The following ADGRL3 variants were observed in gnomAD, a reference collection of about 807,000 sequenced individuals.
ADGRL3 encodes the protein calcium-independent alpha-latrotoxin receptor 3.
ADGRL3 carries 62 observed loss-of-function variants against 153.5 expected under a neutral mutation model. That is an observed-to-expected ratio of 0.40 (90% CI 0.33 to 0.50). The LOEUF is 0.50. Ranked by LOEUF, ADGRL3 falls within the 20% of genes least tolerant of loss-of-function variation. The pLI is 0.47. For missense variants in ADGRL3, 1,641 were observed against 1,859.4 expected (o/e 0.88, Z 2.16); for synonymous variants, 710 against 672.5 (o/e 1.06, Z -0.86).
chr4:61,572,854 C>G (rs1392328222), intron 4 of ADGRL3, among the ~76,000 whole-genome samples: 1 of 151,966 alleles, frequency 6.6e-6, no homozygotes, highest in Non-Finnish European at 1.5e-5. Context: ...CTTCAAGGCT[C>G]CATCGTGTGA....
chr4:61,754,791 C>A (rs1443569529), intron 8 of ADGRL3, among the ~76,000 whole-genome samples: 1 of 152,010 alleles, frequency 6.6e-6, no homozygotes, highest in East Asian at 1.9e-4. Flanking sequence ...CAAAATAGGC[C>A]CAGGTGTGTG....
chr4:61,388,752 G>A (rs545015982), intron 2 of ADGRL3, among the ~76,000 whole-genome samples: 8 of 152,226 alleles, frequency 5.3e-5, no homozygotes, highest in South Asian at 4.1e-4. Flanking sequence ...TCATTGCTGC[G>A]TGTGGAACAC....
At chr4:61,454,621 G>C (rs569384819) in intron 2 of ADGRL3, among the ~76,000 whole-genome samples, 2 of 152,164 alleles carry the variant, frequency 1.3e-5, no homozygotes, top group East Asian at 1.9e-4. Context: ...TAGTCTGTAT[G>C]AATTTGGCTA....
chr4:61,950,532 G>A (rs960398100), intron 17 of ADGRL3, among the ~76,000 whole-genome samples: 2 of 152,132 alleles, frequency 1.3e-5, no homozygotes, highest in Non-Finnish European at 2.9e-5. Context: ...AGTATAACAA[G>A]GCTAGTGTTT....
At chr4:62,048,470 C>A (rs1357985026) in intron 25 of ADGRL3, among the ~76,000 whole-genome samples, 4 of 151,912 alleles carry the variant, frequency 2.6e-5, no homozygotes, top group Admixed American at 2.6e-4. Context: ...ATCATGTTGG[C>A]CAGGCTGGTC....
intron 4 of ADGRL3, among the ~76,000 whole-genome samples, chr4:61,562,047 G>A (rs2098797295): frequency 6.6e-6 from 1 of 151,906 alleles, no homozygotes; most frequent in Non-Finnish European, 1.5e-5. Flanking sequence ...CTGGACCACT[G>A]TGGTAAATAT....
intron 21 of ADGRL3, among the ~76,000 whole-genome samples, chr4:62,007,438 A>C: frequency 7.7e-6 from 1 of 130,608 alleles, no homozygotes; most frequent in East Asian, 2.1e-4. Flanking sequence ...ATATATATAT[A>C]TACACACACA....
chr4:61,299,903 A>G (rs2094527878), intron 1 of ADGRL3, among the ~76,000 whole-genome samples: 2 of 152,028 alleles, frequency 1.3e-5, no homozygotes, highest in Admixed American at 6.6e-5. Context: ...TACGCCATCT[A>G]TTATTATTAT....
At chr4:61,231,279 A>G (rs1419512238) in intron 1 of ADGRL3, among the ~76,000 whole-genome samples, 1 of 152,176 alleles carries the variant, frequency 6.6e-6, no homozygotes, top group Non-Finnish European at 1.5e-5. Context: ...TTCTAGACTT[A>G]TGCTCATGTT....
intron 8 of ADGRL3, among the ~76,000 whole-genome samples, chr4:61,749,103 GA>G (rs1331047447): frequency 6.6e-6 from 1 of 152,004 alleles, no homozygotes; most frequent in African/African-American, 2.4e-5. Context: ...AAAAACACAT[GA>G]AAAAATGCTC....
chr4:61,293,968 T>C (rs906690962), intron 1 of ADGRL3, among the ~76,000 whole-genome samples: 9 of 151,698 alleles, frequency 5.9e-5, no homozygotes, highest in African/African-American at 2.2e-4. Context: ...GACTGAAACA[T>C]ACTGTAATTT....
chr4:61,469,698 G>A (rs751943714), intron 2 of ADGRL3, among the ~76,000 whole-genome samples: 2 of 151,958 alleles, frequency 1.3e-5, no homozygotes, highest in Non-Finnish European at 2.9e-5. Flanking sequence ...AGGTCTAAAT[G>A]TTCCCTATTT....
intron 21 of ADGRL3, among the ~76,000 whole-genome samples, chr4:62,017,404 A>T (rs1035133209): frequency 9.2e-5 from 14 of 151,650 alleles, no homozygotes; most frequent in Non-Finnish European, 8.8e-5. Flanking sequence ...GAAAAATACT[A>T]AAGTTCATAA....
intron 13 of ADGRL3, among the ~76,000 whole-genome samples, chr4:61,922,142 C>T (rs530830874): frequency 6.6e-6 from 1 of 152,258 alleles, no homozygotes; most frequent in East Asian, 1.9e-4. Flanking sequence ...ACTGAGTTTG[C>T]TCTTATCAAT....
At chr4:62,036,461 A>G (rs1287378310) in intron 23 of ADGRL3, among the ~76,000 whole-genome samples, 1 of 152,126 alleles carries the variant, frequency 6.6e-6, no homozygotes, top group Non-Finnish European at 1.5e-5. Context: ...TCACATAATA[A>G]GCACTCAATA....
chr4:61,581,619 C>T (rs1354356299), intron 4 of ADGRL3, among the ~76,000 whole-genome samples: 2 of 151,990 alleles, frequency 1.3e-5, no homozygotes, highest in African/African-American at 4.8e-5. Flanking sequence ...TATCTCCCTC[C>T]CTAGGTTATC....
At chr4:61,928,328 C>G (rs2098803254) in intron 13 of ADGRL3, among the ~76,000 whole-genome samples, 1 of 152,072 alleles carries the variant, frequency 6.6e-6, no homozygotes, top group Admixed American at 6.6e-5. Flanking sequence ...TGGATTTCCT[C>G]TTCGGAGTCA....
intron 9 of ADGRL3, among the ~76,000 whole-genome samples, chr4:61,856,942 T>G (rs2098274776): frequency 7.9e-6 from 1 of 125,870 alleles, no homozygotes; most frequent in Non-Finnish European, 1.7e-5. Context: ...TCCTCCCTCT[T>G]TCTTCTTCTC....
chr4:61,726,199 C>CTTTTTTTTTTTTTTTTTTTT (rs1012113549), intron 6 of ADGRL3, among the ~76,000 whole-genome samples: 4 of 82,942 alleles, frequency 4.8e-5, no homozygotes, highest in South Asian at 4.6e-4. Flanking sequence ...CTCACTGGAA[C>CTTTTTTTTTTTTTTTTTTTT]TTTTTTTTTT....
Sources: gnomAD v4.1 joint callset for allele counts (sites outside exome capture counted in the v4.1 genomes callset) on GRCh38, gnomAD v4.1.1 for gene constraint, MANE v1.5 for transcripts, NCBI Gene and HGNC (gene_info 2026-07-23, HGNC 2026-07-21) for gene names.